Variants in POU2F3 observed in about 807,000 individuals in gnomAD.
The protein encoded by POU2F3 is POU class 2 homeobox 3.
Under a neutral mutation model 59.2 loss-of-function variants are expected in POU2F3, and 23 were observed. The observed-to-expected ratio is 0.39, with a 90% CI of 0.28 to 0.55. POU2F3 has a LOEUF of 0.55. Among genes scored for constraint, POU2F3 ranks in the 20% least tolerant of loss-of-function variants. The pLI is 0.66. For missense variants in POU2F3, 473 were observed against 544.5 expected, an observed-to-expected ratio of 0.87 and a Z score of 1.31; for synonymous variants, 190 against 214.6, an observed-to-expected ratio of 0.89 and a Z score of 1.00.
chr11:120,260,806 G>T (rs1315791103), intron 2 of POU2F3, among the ~76,000 whole-genome samples: 2 of 152,166 alleles, frequency 1.3e-5, no homozygotes, highest in East Asian at 3.9e-4. Flanking sequence ...GGTGACTCAT[G>T]CCTGTAATCC....
rs534340442 is a variant in POU2F3 at position 120,270,226 on chromosome 11, G to A, written c.132+982G>A. ...GTGGGGGAGTACTTGCACTATGCCAGGTATGGGAACACAAAATTAGGACAT... is the reference window on the plus strand; with the variant it reads ...GTGGGGGAGTACTTGCACTATGCCAAGTATGGGAACACAAAATTAGGACAT... On this transcript the variant is annotated intron_variant, in intron 3 of 12. Transcript: ENST00000543440. 2.6e-5 allele frequency among the ~76,000 whole-genome samples: 4 copies of A among 152,272 alleles called. No homozygotes were observed. In the South Asian group the frequency reaches 8.3e-4, roughly 32 times the overall value.
chr11:120,255,020 G>C (rs1040304252), intron 2 of POU2F3: 1 of 152,300 alleles, frequency 6.6e-6, no homozygotes, highest in African/African-American at 2.4e-5. Flanking sequence ...TTTACATACA[G>C]CTTCCACACA....
intron 6 of POU2F3, chr11:120,303,994 A>G (rs1941414768): frequency 6.6e-6 from 1 of 152,198 alleles, no homozygotes; most frequent in African/African-American, 2.4e-5. Context: ...TAGGCACAGC[A>G]TGGTTCTAGG....
upstream of POU2F3, among the ~76,000 whole-genome samples, chr11:120,237,304 GA>G (rs1490472384): frequency 6.6e-6 from 1 of 152,072 alleles, no homozygotes; most frequent in East Asian, 1.9e-4. Flanking sequence ...GAATGTGAGG[GA>G]GTATCTGCTA....
intron 2 of POU2F3, among the ~76,000 whole-genome samples, chr11:120,268,631 C>A (rs528423879): frequency 1.3e-5 from 2 of 152,294 alleles, no homozygotes; most frequent in East Asian, 3.9e-4. Flanking sequence ...CATGAGCCAC[C>A]GTTTCCAGCC....
chr11:120,305,291 G>C, intron 7 of POU2F3, 79 bp downstream of exon 7: 1 of 1,499,214 alleles, frequency 6.7e-7, no homozygotes, highest in Admixed American at 2.0e-5. Context: ...GGTTTCAAGA[G>C]CGACCAGAGG....
intron 2 of POU2F3, among the ~76,000 whole-genome samples, chr11:120,261,936 G>A (rs1011785313): frequency 1.3e-5 from 2 of 152,214 alleles, no homozygotes; most frequent in Non-Finnish European, 1.5e-5. Flanking sequence ...GGGGAGCTCT[G>A]TGACGCTGCA....
chr11:120,308,938 CA>C (rs386375076), intron 9 of POU2F3, among the ~76,000 whole-genome samples: 1 of 28,766 alleles, frequency 3.5e-5, no homozygotes, highest in East Asian at 1.1e-3. Context: ...GACTCCGTCT[CA>C]AAAAAAAAAA....
Position 120,299,634 on chromosome 11 carries a change from C to A in POU2F3, c.269C>A (p.Ser90Tyr), listed in dbSNP as rs777564793. Residue 90 changes from serine (S) to tyrosine (Y), a missense_variant, in exon 5 of 13, where the codon TCC becomes TAC. Physicochemically the swap from Ser to Tyr is moderately radical, Grantham distance 144 (BLOSUM62 -2). Transcript: ENST00000543440. ...TCTCTCCGTGTGTAGGACATGGCTTCCCTCCATCCGCTCCAGCAGCTTGTG... is the reference window on the plus strand; with the variant it reads ...TCTCTCCGTGTGTAGGACATGGCTTACCTCCATCCGCTCCAGCAGCTTGTG... Reference protein sequence around the residue: ...LNASPCQDMASLHPLQQLVLV... With the variant: ...LNASPCQDMAYLHPLQQLVLV... The A allele has an allele frequency of 6.2e-7, 1 of 1,613,594 alleles. No individual in the cohort carries two copies. The highest frequency in any genetic ancestry group is 8.5e-7 in the Non-Finnish European group (1 of 1,179,832).
rs542087448 is a variant in POU2F3, at chr11:120,285,250, C to A, written c.133-13015C>A. Among the ~76,000 whole-genome samples, 3 of 152,180 alleles carry A rather than the reference C, an allele frequency of 2.0e-5. No individual in the cohort carries two copies. Among genetic ancestry groups the A allele is most frequent in the African/African-American group, 7.2e-5 (3 of 41,434 alleles). ...GCCTCATATACCAATTCTGCTGACA[C>A]CCCTGTCAGATGGCCTGTGGTCCCA... On this transcript the variant is annotated intron_variant, in intron 3 of 12. Transcript: ENST00000543440. The surrounding 1 kb of genome is among the most constrained non-coding windows in gnomAD (Gnocchi z 4.3).
intron 3 of POU2F3, among the ~76,000 whole-genome samples, chr11:120,292,071 G>A (rs1941043691): frequency 6.6e-6 from 1 of 152,128 alleles, no homozygotes; most frequent in South Asian, 2.1e-4. Context: ...GCCTCCCAAA[G>A]TGCTGGGATT....
rs145971245 is a variant in POU2F3, at chr11:120,266,468, C to T, written c.98-2742C>T. ...TCTGCTTGGAACTCTCAGATTGACC[C>T]ATCCTCCTTGGATTGAAAATTGCAG... On this transcript the variant is annotated intron_variant, in intron 2 of 12. Coordinates refer to ENST00000543440, the MANE Select transcript of POU2F3 (RefSeq NM_014352.4). Among the ~76,000 whole-genome samples, 424 of 152,220 alleles carry T rather than the reference C, an allele frequency of 2.8e-3. 3 individuals carry two copies. The highest frequency in any genetic ancestry group is 9.7e-3 in the African/African-American group (401 of 41,530).
intron 5 of POU2F3, among the ~76,000 whole-genome samples, chr11:120,300,720 C>T (rs1941324635): frequency 1.3e-5 from 2 of 151,932 alleles, no homozygotes; most frequent in South Asian, 2.1e-4. Context: ...GCCAAGATTG[C>T]ACCACTGTCC....
At chr11:120,258,514 AG>A (rs1424986931) in intron 2 of POU2F3, among the ~76,000 whole-genome samples, 8 of 152,124 alleles carry the variant, frequency 5.3e-5, no homozygotes, top group Non-Finnish European at 1.0e-4. Flanking sequence ...CAGAGCAAGG[AG>A]TCTCTGGTTC....
intron 2 of POU2F3, among the ~76,000 whole-genome samples, chr11:120,247,933 G>A (rs1045963467): frequency 3.3e-5 from 5 of 152,208 alleles, no homozygotes; most frequent in Non-Finnish European, 7.3e-5. Context: ...AGAAGACCAC[G>A]CCTAACCAGC....
At chr11:120,278,709 G>A (rs923931598) in intron 3 of POU2F3, among the ~76,000 whole-genome samples, 11 of 152,202 alleles carry the variant, frequency 7.2e-5, no homozygotes, top group Non-Finnish European at 1.2e-4. Flanking sequence ...AGAATGTTCA[G>A]GCAGGAGATA....
chr11:120,306,360 G>A (rs182204515), intron 8 of POU2F3, among the ~76,000 whole-genome samples: 29 of 152,260 alleles, frequency 1.9e-4, no homozygotes, highest in East Asian at 3.9e-4. Flanking sequence ...GAGATCAAGC[G>A]TGTAAGCCAA....
chr11:120,312,777 G>A (rs570321249), intron 10 of POU2F3, among the ~76,000 whole-genome samples: 1 of 152,194 alleles, frequency 6.6e-6, no homozygotes, highest in Non-Finnish European at 1.5e-5. Flanking sequence ...GAAGAGGTAC[G>A]ATATTTGAGG....
chr11:120,240,236 G>T lies in POU2F3; in HGVS notation c.-108G>T. ...GGCTCCGGCAGCGGCTCCCGCGGCG[G>T]CGGCGGCCGGGAACTGGAGGAAGGA... On this transcript the variant is annotated 5_prime_UTR_variant, in exon 1 of 13. Coordinates refer to ENST00000543440, the MANE Select transcript of POU2F3 (RefSeq NM_014352.4). 3 of 1,249,392 alleles carry T rather than the reference G, an allele frequency of 2.4e-6. No homozygotes were observed. Among genetic ancestry groups the T allele is most frequent in the Non-Finnish European group, 3.0e-6 (3 of 990,110 alleles). The allele number at this position is 1,249,392 out of a possible 1,614,324, so 77.4% of individuals were successfully genotyped here.
Sources: allele counts gnomAD v4.1 joint callset (sites outside exome capture counted in the v4.1 genomes callset), GRCh38; gene constraint gnomAD v4.1.1; non-coding constraint Gnocchi (gnomAD v3.1); transcripts MANE v1.5; gene names NCBI Gene and HGNC (gene_info 2026-07-23, HGNC 2026-07-21).